The following CINP variants were observed in gnomAD, a reference collection of about 807,000 sequenced individuals.
CINP encodes the protein cyclin-dependent kinase 2-interacting protein.
CINP carries 11 observed loss-of-function variants against 20.5 expected under a neutral mutation model. The ratio of observed to expected loss-of-function variants is 0.54; its 90% CI spans 0.34 to 0.89. The LOEUF is 0.89. Among genes scored for constraint, CINP ranks in the 40% least tolerant of loss-of-function variants. CINP has a pLI of 0.02. For missense variants in CINP, 213 were observed against 251.0 expected, an observed-to-expected ratio of 0.85 and a Z score of 1.02; for synonymous variants, 108 against 102.1, an observed-to-expected ratio of 1.06 and a Z score of -0.35.
chr14:102,356,034 T>G (rs1347553365), intron 2 of CINP, 137 bp from the exon 3 acceptor site: 5 of 871,442 alleles, frequency 5.7e-6, no homozygotes, highest in African/African-American at 1.7e-5. Context: ...TTCATATCAT[T>G]ATGATACAAA....
At chr14:102,358,263 A>G (rs1048643722) in intron 2 of CINP, among the ~76,000 whole-genome samples, 2 of 152,370 alleles carry the variant, frequency 1.3e-5, no homozygotes, top group Admixed American at 6.5e-5. Context: ...TGAGAATATT[A>G]TATAACTTAG....
chr14:102,354,508 A>C (rs1055362039), intron 3 of CINP, among the ~76,000 whole-genome samples: 3 of 151,782 alleles, frequency 2.0e-5, no homozygotes, highest in Admixed American at 2.0e-4. Flanking sequence ...TGTAATCCCA[A>C]CACTTTGGGA....
chr14:102,355,492 G>A (rs1886977534), intron 3 of CINP: 3 of 273,600 alleles, frequency 1.1e-5, no homozygotes, highest in South Asian at 6.3e-5. Flanking sequence ...TCCAGCCTGG[G>A]CGACAAAGCA....
intron 2 of CINP, among the ~76,000 whole-genome samples, chr14:102,356,217 C>G (rs926768836): frequency 6.6e-6 from 1 of 152,078 alleles, no homozygotes; most frequent in Non-Finnish European, 1.5e-5. Flanking sequence ...GAGTCTGAGT[C>G]CAGCCTGGGC....
chr14:102,360,210 G>A (rs150506685), intron 1 of CINP, among the ~76,000 whole-genome samples: 6 of 152,000 alleles, frequency 3.9e-5, no homozygotes, highest in Non-Finnish European at 8.8e-5. Context: ...TGAACTACTG[G>A]CAGCTCTTGA....
chr14:102,352,811 C>T (rs1444289070), intron 3 of CINP, among the ~76,000 whole-genome samples: 1 of 151,724 alleles, frequency 6.6e-6, no homozygotes, highest in Non-Finnish European at 1.5e-5. Flanking sequence ...CCACCCCCAG[C>T]TAATTTTTTG....
intron 1 of CINP, among the ~76,000 whole-genome samples, chr14:102,361,377 C>T (rs1483408768): frequency 1.3e-5 from 2 of 152,208 alleles, no homozygotes; most frequent in Admixed American, 6.5e-5. Context: ...CAGTGGCTCA[C>T]GCCTGTAATC....
intron 2 of CINP, among the ~76,000 whole-genome samples, chr14:102,356,238 G>A (rs1410528573): frequency 6.6e-6 from 1 of 151,952 alleles, no homozygotes; most frequent in Admixed American, 6.6e-5. Flanking sequence ...AACACAGTGA[G>A]ACCTCATCTC....
At chr14:102,349,073 C>T (rs1567304162) in intron 4 of CINP, among the ~76,000 whole-genome samples, 2 of 152,096 alleles carry the variant, frequency 1.3e-5, no homozygotes, top group South Asian at 2.1e-4. Context: ...GCCATCGTGG[C>T]GAAAACCTGT....
At chr14:102,361,514 G>A (rs1358872413) in intron 1 of CINP, among the ~76,000 whole-genome samples, 1 of 151,774 alleles carries the variant, frequency 6.6e-6, no homozygotes, top group Non-Finnish European at 1.5e-5. Context: ...GGTGGCGGGC[G>A]CCTGTAGTCC....
intron 3 of CINP, among the ~76,000 whole-genome samples, chr14:102,354,789 G>T (rs570209198): frequency 6.6e-6 from 1 of 151,676 alleles, no homozygotes; most frequent in African/African-American, 2.4e-5. Flanking sequence ...AACAAAAAAG[G>T]CCAGGTGCGG....
At chr14:102,358,248 A>G (rs972841488) in intron 2 of CINP, among the ~76,000 whole-genome samples, 5 of 152,226 alleles carry the variant, frequency 3.3e-5, no homozygotes, top group African/African-American at 1.2e-4. Flanking sequence ...ATGACAACAA[A>G]AGATTGAGAA....
intron 3 of CINP, chr14:102,355,408 T>G: frequency 5.8e-6 from 1 of 172,468 alleles, no homozygotes; most frequent in South Asian, 1.4e-4. Flanking sequence ...CCAGCTACTC[T>G]GGAGGCTGAG....
chr14:102,359,365 C>T (rs1887080557), intron 2 of CINP, 54 bp downstream of exon 2: 2 of 1,296,052 alleles, frequency 1.5e-6, no homozygotes, highest in East Asian at 2.5e-5. Context: ...CACATTATTT[C>T]CCCAGTTATT....
chr14:102,348,677 G>A lies in CINP; in HGVS notation c.519C>T (p.Thr173=), dbSNP rs142256269. 72 of 1,613,838 alleles carry A rather than the reference G, an allele frequency of 4.5e-5. No homozygotes were observed. The highest frequency in any genetic ancestry group is 5.3e-5 in the African/African-American group (4 of 74,954). ...KRTVAKELAH[T]GDPDLTLSYL... is the part of the protein sequence containing the mutation. ...AGCTCAGGGTGAGGTCGGGATCCCCGGTGTGGGCAAGCTCCTTGGCCACCG... is the reference window on the plus strand; with the variant it reads ...AGCTCAGGGTGAGGTCGGGATCCCCAGTGTGGGCAAGCTCCTTGGCCACCG... The change falls in exon 5 of 5, where the codon ACC becomes ACT. Residue 173 remains threonine (T), a synonymous_variant. Coordinates refer to ENST00000216756, the MANE Select transcript of CINP (RefSeq NM_032630.3).
chr14:102,361,475 T>TA lies in CINP; in HGVS notation c.7+1369dup, dbSNP rs374911330. ...TAACACAGTGAAACCTCATCTCTAC[T>TA]AAAAAAATACAAAAAATCAGCCGGG... On this transcript the variant is annotated intron_variant, in intron 1 of 4. Coordinates refer to ENST00000216756, the MANE Select transcript of CINP (RefSeq NM_032630.3). Among the ~76,000 whole-genome samples the TA allele has an allele frequency of 1.4e-4, 21 of 151,964 alleles. No homozygotes were observed. The South Asian group carries it at 3.5e-3, about 26-fold the overall frequency.
intron 2 of CINP, among the ~76,000 whole-genome samples, chr14:102,358,365 C>T (rs570621971): frequency 4.6e-4 from 70 of 152,318 alleles, no homozygotes; most frequent in African/African-American, 1.6e-3. Context: ...CTACATTACA[C>T]GCATGGCTTC....
At chr14:102,356,056 T>C (rs948051003) in intron 2 of CINP, among the ~76,000 whole-genome samples, 159 bp from the exon 3 acceptor site, 3 of 152,216 alleles carry the variant, frequency 2.0e-5, no homozygotes, top group Admixed American at 1.3e-4. Context: ...GCAGTTATTA[T>C]TTATATGTGC....
At chr14:102,350,298 G>C (rs556436648) in intron 3 of CINP, among the ~76,000 whole-genome samples, 2 of 152,104 alleles carry the variant, frequency 1.3e-5, no homozygotes, top group South Asian at 4.2e-4. Context: ...AAAGGTTTCC[G>C]AGTGCCATTT....
Sources: allele counts gnomAD v4.1 joint callset (sites outside exome capture counted in the v4.1 genomes callset), GRCh38; gene constraint gnomAD v4.1.1; transcripts MANE v1.5; gene names NCBI Gene and HGNC (gene_info 2026-07-23, HGNC 2026-07-21).